Variants in ST6GALNAC5 observed in about 807,000 individuals in gnomAD.
ST6GALNAC5 encodes the protein ST6 N-acetylgalactosaminide alpha-2,6-sialyltransferase 5, also known as alpha-N-acetylgalactosaminide alpha-2,6-sialyltransferase 5.
Under a neutral mutation model 33.6 loss-of-function variants are expected in ST6GALNAC5, and 27 were observed. The observed-to-expected ratio is 0.80, with a 90% confidence interval of 0.59 to 1.11. ST6GALNAC5 has a LOEUF of 1.11. Ranked by LOEUF, ST6GALNAC5 falls within the 50% of genes least tolerant of loss-of-function variation. The pLI is 0.00. For missense variants in ST6GALNAC5, 428 were observed against 454.0 expected, an observed-to-expected ratio of 0.94 and a Z score of 0.52; for synonymous variants, 194 against 171.2, an observed-to-expected ratio of 1.13 and a Z score of -1.04.
intron 2 of ST6GALNAC5, among the ~76,000 whole-genome samples, chr1:77,012,306 A>T (rs1174106496): frequency 6.6e-6 from 1 of 152,200 alleles, no homozygotes; most frequent in African/African-American, 2.4e-5. Flanking sequence ...AGCCAATAGA[A>T]AAATAGACTT....
At chr1:77,004,804 G>T (rs56227696) in intron 2 of ST6GALNAC5, among the ~76,000 whole-genome samples, 1 of 129,040 alleles carries the variant, frequency 7.7e-6, no homozygotes. Context: ...TAGGCTGCTC[G>T]GGGGTCAGGG....
chr1:76,907,182 A>C (rs1023682806), intron 2 of ST6GALNAC5, among the ~76,000 whole-genome samples: 3 of 151,766 alleles, frequency 2.0e-5, no homozygotes, highest in Non-Finnish European at 4.4e-5. Context: ...GGGATCCAAG[A>C]CTCAACTCTC....
At chr1:76,901,898 TA>T (rs1368259622) in intron 2 of ST6GALNAC5, among the ~76,000 whole-genome samples, 6 of 152,182 alleles carry the variant, frequency 3.9e-5, no homozygotes, top group South Asian at 2.1e-4. Context: ...TTATACATGA[TA>T]TTTTTTTGGC....
At chr1:76,911,607 G>T (rs1646913423) in intron 2 of ST6GALNAC5, among the ~76,000 whole-genome samples, 1 of 151,998 alleles carries the variant, frequency 6.6e-6, no homozygotes. Context: ...ATTGATTATT[G>T]CCACAATTTC....
chr1:77,021,999 C>T (rs184637380), intron 2 of ST6GALNAC5, among the ~76,000 whole-genome samples: 55 of 152,274 alleles, frequency 3.6e-4, no homozygotes, highest in Non-Finnish European at 4.7e-4. Context: ...GTCTGTGCTG[C>T]GCCCCCCGTT....
chr1:76,980,925 A>G (rs1649222993), intron 2 of ST6GALNAC5, among the ~76,000 whole-genome samples: 1 of 152,220 alleles, frequency 6.6e-6, no homozygotes, highest in South Asian at 2.1e-4. Flanking sequence ...CAAGAAAATA[A>G]AAAAATAACC....
chr1:77,023,859 G>T (rs1272936454), intron 2 of ST6GALNAC5, among the ~76,000 whole-genome samples: 1 of 152,178 alleles, frequency 6.6e-6, no homozygotes, highest in Non-Finnish European at 1.5e-5. Context: ...CCGGATGGGG[G>T]TAGTCATTGG....
intron 2 of ST6GALNAC5, among the ~76,000 whole-genome samples, chr1:76,937,948 T>C (rs1339216463): frequency 6.6e-6 from 1 of 152,036 alleles, no homozygotes; most frequent in Non-Finnish European, 1.5e-5. Flanking sequence ...GTATGTTTCC[T>C]GTCGGATTTA....
intron 2 of ST6GALNAC5, among the ~76,000 whole-genome samples, chr1:76,879,872 C>T (rs1432429927): frequency 6.6e-6 from 1 of 152,180 alleles, no homozygotes; most frequent in Non-Finnish European, 1.5e-5. Context: ...CATTCTTTTC[C>T]AATCAATGCC....
chr1:76,936,953 GGTGTGT>G (rs34309736), intron 2 of ST6GALNAC5, among the ~76,000 whole-genome samples: 59 of 140,046 alleles, frequency 4.2e-4, no homozygotes, highest in Middle Eastern at 3.6e-3. Flanking sequence ...AGAGAAGCAG[GGTGTGT>G]GTGTGTGTGT....
intron 2 of ST6GALNAC5, among the ~76,000 whole-genome samples, chr1:76,956,924 T>A (rs1229482085): frequency 6.6e-6 from 1 of 152,202 alleles, no homozygotes; most frequent in Non-Finnish European, 1.5e-5. Flanking sequence ...ATCAGGGAGA[T>A]AACCTCTATT....
chr1:77,052,950 G>T (rs981045425), intron 4 of ST6GALNAC5, among the ~76,000 whole-genome samples: 1 of 151,412 alleles, frequency 6.6e-6, no homozygotes, highest in Non-Finnish European at 1.5e-5. Context: ...CAATTTTAAG[G>T]GGGGCTTCAA....
chr1:77,052,788 G>T lies in ST6GALNAC5; in HGVS notation c.779+2423G>T, dbSNP rs546014972. 5.5e-3 allele frequency among the ~76,000 whole-genome samples: 838 copies of T among 151,544 alleles called. 7 individuals are homozygous for T. Among genetic ancestry groups the T allele is most frequent in the African/African-American group, 0.019 (790 of 41,338 alleles). On this transcript the variant is annotated intron_variant, in intron 4 of 4. Transcript: ENST00000477717. ...ACAAAAATTAGCCAGGCATGATAGT[G>T]TGCACCTGTAATCCCAGCTACTCGG...
intron 2 of ST6GALNAC5, among the ~76,000 whole-genome samples, chr1:77,006,451 T>C (rs1490952271): frequency 6.6e-6 from 1 of 151,298 alleles, no homozygotes; most frequent in East Asian, 2.0e-4. Flanking sequence ...GTAGCTGAGA[T>C]TACAGGCGCC....
intron 2 of ST6GALNAC5, among the ~76,000 whole-genome samples, chr1:77,032,746 G>A (rs927490902): frequency 7.9e-5 from 12 of 152,058 alleles, no homozygotes; most frequent in African/African-American, 2.9e-4. Context: ...TATGATTCTG[G>A]TCAATTCAAT....
At chr1:76,996,639 T>C (rs1194378128) in intron 2 of ST6GALNAC5, among the ~76,000 whole-genome samples, 1 of 152,152 alleles carries the variant, frequency 6.6e-6, no homozygotes, top group Non-Finnish European at 1.5e-5. Flanking sequence ...AAGGAGTGCA[T>C]ATTTGCAGAG....
At position 76,868,571 on chromosome 1, in the gene ST6GALNAC5, C is replaced by CGGGG; in HGVS notation, c.92_93insGGGG (p.Gln32GlyfsTer85). On this transcript the variant is annotated frameshift_variant, in exon 2 of 5. Transcript: ENST00000477717. LOFTEE classifies it high-confidence loss of function. The surrounding 1 kb of genome is among the most constrained non-coding windows in gnomAD (Gnocchi z 4.3). ...TGTTGCTAGTGTACAGCAGCCTCGG[C>CGGGG]GGCCAGAAGGAGCGGCCCCCGCAGC... is the stretch of plus-strand genomic sequence containing the variant. The CGGGG allele has an allele frequency of 6.2e-7, 1 of 1,613,118 alleles. No homozygotes were observed. The highest frequency in any genetic ancestry group is 8.5e-7 in the Non-Finnish European group (1 of 1,179,600).
At chr1:76,967,202 A>T (rs1317278089) in intron 2 of ST6GALNAC5, among the ~76,000 whole-genome samples, 1 of 152,180 alleles carries the variant, frequency 6.6e-6, no homozygotes, top group Non-Finnish European at 1.5e-5. Context: ...CTCTGGTACA[A>T]TTCGGCTGTG....
intron 2 of ST6GALNAC5, among the ~76,000 whole-genome samples, chr1:76,876,092 G>A (rs1298751179): frequency 5.3e-5 from 8 of 152,216 alleles, no homozygotes; most frequent in Non-Finnish European, 1.2e-4. Flanking sequence ...TTGTGTGCAG[G>A]ATAGGCAAAC....
Sources: allele counts gnomAD v4.1 joint callset (sites outside exome capture counted in the v4.1 genomes callset), GRCh38; gene constraint gnomAD v4.1.1; non-coding constraint Gnocchi (gnomAD v3.1); transcripts MANE v1.5; gene names NCBI Gene and HGNC (gene_info 2026-07-23, HGNC 2026-07-21).